The following PLB1 variants were observed in gnomAD, a reference collection of about 807,000 sequenced individuals.
PLB1 encodes the protein phospholipase B1, also known as phospholipase B1, membrane-associated.
PLB1 carries 242 observed loss-of-function variants against 227.4 expected under a neutral mutation model. That is an observed-to-expected ratio of 1.06 (90% CI 0.96 to 1.18). The LOEUF (loss-of-function observed/expected upper bound fraction) is 1.18, where lower values mean the gene tolerates loss of function less well. Ranked by LOEUF, PLB1 falls within the 50% of genes most tolerant of loss-of-function variation. PLB1 has a pLI of 0.00. For missense variants in PLB1, 1,858 were observed against 1,816.3 expected (o/e 1.02, Z -0.42); for synonymous variants, 757 against 682.2 (o/e 1.11, Z -1.71).
chr2:28,500,793 T>C (rs1031631309), intron 1 of PLB1, among the ~76,000 whole-genome samples: 1 of 152,226 alleles, frequency 6.6e-6, no homozygotes, highest in South Asian at 2.1e-4. Flanking sequence ...TGGACTCTTA[T>C]TAATCTGTGT....
At chr2:28,627,636 C>T (rs1274049243) in intron 51 of PLB1, among the ~76,000 whole-genome samples, 2 of 152,216 alleles carry the variant, frequency 1.3e-5, no homozygotes, top group Non-Finnish European at 2.9e-5. Context: ...ACTCCCAGTA[C>T]CCCTTCTGGT....
At chr2:28,550,800 A>C (rs952164239) in intron 16 of PLB1, among the ~76,000 whole-genome samples, 1 of 151,594 alleles carries the variant, frequency 6.6e-6, no homozygotes, top group African/African-American at 2.4e-5. Context: ...TCAGCCTCCC[A>C]AAGTGCTGAG....
At chr2:28,562,960 T>C in intron 17 of PLB1, 81 bp from the exon 18 acceptor site, 2 of 1,308,954 alleles carry the variant, frequency 1.5e-6, no homozygotes, top group South Asian at 2.4e-5. Flanking sequence ...ATCCTGGAAG[T>C]TGTTCCTTTG....
At chr2:28,553,101 CAG>C in intron 17 of PLB1, 110 bp downstream of exon 17, 1 of 874,602 alleles carries the variant, frequency 1.1e-6, no homozygotes, top group East Asian at 2.5e-5. Flanking sequence ...TCAGGGACAA[CAG>C]AAATAACTCT....
intron 17 of PLB1, among the ~76,000 whole-genome samples, chr2:28,560,984 C>T (rs1365621961): frequency 1.3e-5 from 2 of 152,200 alleles, no homozygotes; most frequent in East Asian, 3.8e-4. Context: ...ATCACCCGAT[C>T]TCGCTCTCCC....
At chr2:28,520,674 C>T (rs1265183202) in intron 4 of PLB1, among the ~76,000 whole-genome samples, 1 of 151,986 alleles carries the variant, frequency 6.6e-6, no homozygotes, top group Non-Finnish European at 1.5e-5. Context: ...TTCTAGGTAC[C>T]TCATATAAGT....
At chr2:28,603,667 T>C (rs1274907630) in intron 39 of PLB1, among the ~76,000 whole-genome samples, 3 of 152,200 alleles carry the variant, frequency 2.0e-5, no homozygotes, top group South Asian at 2.1e-4. Context: ...ACTGCCCAAA[T>C]TCATTTGCTC....
chr2:28,594,215 C>T (rs1199226959), intron 33 of PLB1: 3 of 335,886 alleles, frequency 8.9e-6, no homozygotes, highest in South Asian at 2.4e-5. Context: ...TCGCACACTT[C>T]GAGAGGCCAT....
At chr2:28,497,412 T>C (rs955382097) in intron 1 of PLB1, among the ~76,000 whole-genome samples, 2 of 152,092 alleles carry the variant, frequency 1.3e-5, no homozygotes, top group Non-Finnish European at 2.9e-5. Context: ...AGTGGGAAAG[T>C]TTCACAGTGG....
At chr2:28,576,356 G>A (rs913824437) in intron 21 of PLB1, among the ~76,000 whole-genome samples, 3 of 152,144 alleles carry the variant, frequency 2.0e-5, no homozygotes, top group Non-Finnish European at 2.9e-5. Context: ...GCACCCTCAC[G>A]TTTATCATCC....
chr2:28,630,072 C>T (rs1053112229), intron 53 of PLB1, among the ~76,000 whole-genome samples: 29 of 152,174 alleles, frequency 1.9e-4, no homozygotes, highest in Admixed American at 5.2e-4. Flanking sequence ...TGCTTCCAGC[C>T]GGTTGGCCCT....
chr2:28,499,490 T>C (rs565216667), intron 1 of PLB1, among the ~76,000 whole-genome samples: 1 of 151,632 alleles, frequency 6.6e-6, no homozygotes, highest in East Asian at 1.9e-4. Flanking sequence ...TTCTTTTTCT[T>C]ATCTTACTGT....
chr2:28,563,206 G>A, intron 18 of PLB1, 107 bp downstream of exon 18: 2 of 1,133,312 alleles, frequency 1.8e-6, no homozygotes, highest in Non-Finnish European at 2.6e-6. Context: ...GCTCTTAGAT[G>A]CTACCATCTC....
chr2:28,589,876 T>C, intron 28 of PLB1, 106 bp downstream of exon 28: 1 of 1,356,036 alleles, frequency 7.4e-7, no homozygotes, highest in Non-Finnish European at 1.1e-6. Context: ...TGTGATTCTA[T>C]GCACGGCAAT....
intron 20 of PLB1, among the ~76,000 whole-genome samples, chr2:28,567,356 G>C (rs1677146044): frequency 6.6e-6 from 1 of 152,084 alleles, no homozygotes; most frequent in Admixed American, 6.6e-5. Flanking sequence ...CGCTGCTATT[G>C]CCGCAGGAGG....
chr2:28,603,517 A>G (rs1684215523), intron 39 of PLB1, among the ~76,000 whole-genome samples: 1 of 152,100 alleles, frequency 6.6e-6, no homozygotes, highest in African/African-American at 2.4e-5. Context: ...GTGTGAAATA[A>G]TTCATGATGA....
At chr2:28,572,420 A>G (rs1678163792) in intron 20 of PLB1, among the ~76,000 whole-genome samples, 1 of 152,220 alleles carries the variant, frequency 6.6e-6, no homozygotes, top group Non-Finnish European at 1.5e-5. Context: ...ATACATATCC[A>G]AGGGAAATCC....
intron 25 of PLB1, among the ~76,000 whole-genome samples, chr2:28,584,664 G>C (rs537547496): frequency 7.2e-4 from 110 of 152,300 alleles, no homozygotes; most frequent in African/African-American, 2.6e-3. Context: ...TGCCACCTCT[G>C]CAGTGCCCTG....
rs148115885 is a variant in PLB1, at chr2:28,603,777, C to T, written c.2775-189C>T. On this transcript the variant is annotated intron_variant, in intron 39 of 57. Transcript: ENST00000327757. ...TCCCACACTGGCTCCCTCCCTCGGG[C>T]CATCTCCAGTGCCCCTGCCAGGCCT... Among the ~76,000 whole-genome samples the T allele has an allele frequency of 1.5e-3, 221 of 152,332 alleles. 3 individuals carry two copies. Among genetic ancestry groups the T allele is most frequent in the Admixed American group, 5.4e-3 (82 of 15,312 alleles).
Sources: allele counts gnomAD v4.1 joint callset (sites outside exome capture counted in the v4.1 genomes callset), GRCh38; gene constraint gnomAD v4.1.1; transcripts MANE v1.5; gene names NCBI Gene and HGNC (gene_info 2026-07-23, HGNC 2026-07-21).